Variants in STAU2 observed in about 807,000 individuals in gnomAD.
STAU2 encodes double-stranded RNA-binding protein Staufen homolog 2.
STAU2 carries 20 observed loss-of-function variants against 65.9 expected under a neutral mutation model. That is an observed-to-expected ratio of 0.30 (90% CI 0.21 to 0.44). The LOEUF is 0.44. Ranked by LOEUF, STAU2 falls within the 20% of genes least tolerant of loss-of-function variation. The probability of loss-of-function intolerance (pLI) is 1.00; values close to 1 mark genes in which losing one functional copy is unlikely to be tolerated. For missense variants in STAU2, 558 were observed against 683.9 expected (o/e 0.82, Z 2.05); for synonymous variants, 232 against 233.9 (o/e 0.99, Z 0.07).
At chr8:73,444,783 T>C (rs1678917622) in intron 13 of STAU2, among the ~76,000 whole-genome samples, 1 of 152,194 alleles carries the variant, frequency 6.6e-6, no homozygotes, top group Non-Finnish European at 1.5e-5. Context: ...TTAAGACTGG[T>C]GTTCTGTGTT....
intron 6 of STAU2, among the ~76,000 whole-genome samples, chr8:73,662,021 G>A (rs569493878): frequency 6.6e-6 from 1 of 152,242 alleles, no homozygotes; most frequent in East Asian, 1.9e-4. Flanking sequence ...ACTCTGACAA[G>A]GTGCCTGTAC....
chr8:73,521,109 T>C (rs1233936226), intron 13 of STAU2, among the ~76,000 whole-genome samples: 1 of 152,188 alleles, frequency 6.6e-6, no homozygotes, highest in African/African-American at 2.4e-5. Context: ...TGGGAAGGCT[T>C]TCCCTTTCTT....
In STAU2 at chr8:73,609,649, T is replaced by C. The variant is rs115449624; in HGVS notation, c.891+4095A>G. 2.3e-3 allele frequency among the ~76,000 whole-genome samples: 349 copies of C among 151,990 alleles called. 2 individuals carry two copies. Among genetic ancestry groups the C allele is most frequent in the African/African-American group, 8.2e-3 (339 of 41,462 alleles). On this transcript the variant is annotated intron_variant, in intron 9 of 14. Transcript: ENST00000524300. The stretch of plus-strand genomic sequence containing the variant: ...AGCCTGGCAACAGAGCGAGACCCTG[T>C]CTCAATTAAAAAAAAATTAAATTAA...
intron 10 of STAU2, among the ~76,000 whole-genome samples, chr8:73,602,869 T>C (rs950299207): frequency 3.3e-5 from 5 of 152,100 alleles, no homozygotes; most frequent in African/African-American, 1.2e-4. Flanking sequence ...ACACTGAATA[T>C]GTAAGGCTGA....
At chr8:73,535,291 T>C (rs1232196413) in intron 13 of STAU2, among the ~76,000 whole-genome samples, 1 of 152,114 alleles carries the variant, frequency 6.6e-6, no homozygotes, top group African/African-American at 2.4e-5. Flanking sequence ...TGCCTCAGCC[T>C]CCCAAGTAAC....
intron 3 of STAU2, among the ~76,000 whole-genome samples, chr8:73,714,146 G>A (rs757592746): frequency 1.3e-5 from 2 of 151,876 alleles, no homozygotes; most frequent in Admixed American, 6.6e-5. Flanking sequence ...CAGGTGATCC[G>A]CCCACCTCAG....
intron 6 of STAU2, among the ~76,000 whole-genome samples, chr8:73,635,914 A>C (rs987070049): frequency 1.0e-4 from 8 of 78,094 alleles, no homozygotes; most frequent in Non-Finnish European, 2.1e-4. Flanking sequence ...TGAACCACAC[A>C]CACACACACA....
rs140631037 is a variant in STAU2 at position 73,678,222 on chromosome 8, C to T, written c.275-4980G>A. ...ACTCCTTTAAATGCATCATGCACTG[C>T]TCATGAATATTAATTCCTCCCAGCT... is the stretch of plus-strand genomic sequence containing the variant. On this transcript the variant is annotated intron_variant, in intron 5 of 14. Transcript: ENST00000524300. 1.8e-3 allele frequency among the ~76,000 whole-genome samples: 278 copies of T among 152,304 alleles called. 10 individuals are homozygous for T. The East Asian group carries it at 0.046, about 25-fold the overall frequency.
chr8:73,519,758 T>A (rs758544143), intron 13 of STAU2, among the ~76,000 whole-genome samples: 3 of 152,178 alleles, frequency 2.0e-5, no homozygotes, highest in Non-Finnish European at 4.4e-5. Context: ...TATAAACACA[T>A]ATCAAGTGCC....
intron 6 of STAU2, among the ~76,000 whole-genome samples, chr8:73,642,609 C>A (rs1253201086): frequency 6.6e-6 from 1 of 152,102 alleles, no homozygotes; most frequent in Non-Finnish European, 1.5e-5. Flanking sequence ...CTAGTCTCTG[C>A]CTACCCTCTC....
At chr8:73,569,676 C>CTGG (rs1377233135) in intron 12 of STAU2, among the ~76,000 whole-genome samples, 1 of 152,238 alleles carries the variant, frequency 6.6e-6, no homozygotes, top group Non-Finnish European at 1.5e-5. Flanking sequence ...GCAGCCTCCA[C>CTGG]TGGTGATACC....
At chr8:73,635,558 G>A (rs1234738091) in intron 6 of STAU2, among the ~76,000 whole-genome samples, 2 of 152,134 alleles carry the variant, frequency 1.3e-5, no homozygotes, top group Non-Finnish European at 2.9e-5. Context: ...CGAGGGCGGT[G>A]GCTCATGCCT....
chr8:73,617,247 T>C lies in STAU2; in HGVS notation c.570+45A>G, dbSNP rs190727824. 1.9e-6 allele frequency: 3 copies of C among 1,592,972 alleles called. No homozygotes were observed. The African/African-American group carries it at 4.1e-5, about 22-fold the overall frequency. On this transcript the variant is annotated intron_variant, in intron 7 of 14. Transcript: ENST00000524300. ...TATAAAATGCTCTGATTTGTTTCAC[T>C]GGGAAAGTAGAAAGAACAGACTGTC... is the stretch of plus-strand genomic sequence containing the variant.
chr8:73,655,831 G>C (rs1171151749), intron 6 of STAU2, among the ~76,000 whole-genome samples: 1 of 151,814 alleles, frequency 6.6e-6, no homozygotes, highest in Non-Finnish European at 1.5e-5. Flanking sequence ...TGTATTTTTA[G>C]TAGAGACAGG....
At chr8:73,587,155 A>G (rs1444458532) in intron 11 of STAU2, among the ~76,000 whole-genome samples, 1 of 152,200 alleles carries the variant, frequency 6.6e-6, no homozygotes, top group Non-Finnish European at 1.5e-5. Context: ...CAATGCTGGG[A>G]GGTACAAGAC....
At chr8:73,697,044 G>GTTTTGTT in intron 4 of STAU2, among the ~76,000 whole-genome samples, 1 of 151,304 alleles carries the variant, frequency 6.6e-6, no homozygotes, top group East Asian at 2.0e-4. Context: ...GCAGACTTTT[G>GTTTTGTT]TTGTTTTGTT....
chr8:73,657,348 A>G (rs1378263543), intron 6 of STAU2, among the ~76,000 whole-genome samples: 1 of 152,242 alleles, frequency 6.6e-6, no homozygotes, highest in Non-Finnish European at 1.5e-5. Flanking sequence ...ACAAAATTTT[A>G]AAAAGCAAAG....
At chr8:73,684,555 G>A (rs188645378) in intron 5 of STAU2, among the ~76,000 whole-genome samples, 2 of 152,166 alleles carry the variant, frequency 1.3e-5, no homozygotes, top group Admixed American at 1.3e-4. Flanking sequence ...TTAGGCAAAG[G>A]CTTCATGACC....
At chr8:73,524,513 A>G (rs1823236295) in intron 13 of STAU2, among the ~76,000 whole-genome samples, 1 of 152,184 alleles carries the variant, frequency 6.6e-6, no homozygotes, top group East Asian at 1.9e-4. Context: ...ACAGCAAATG[A>G]ATGCACCAGG....
Sources: allele counts gnomAD v4.1 joint callset (sites outside exome capture counted in the v4.1 genomes callset), GRCh38; gene constraint gnomAD v4.1.1; transcripts MANE v1.5; gene names NCBI Gene and HGNC (gene_info 2026-07-23, HGNC 2026-07-21).